Variants in STX8 observed in about 807,000 individuals in gnomAD.
STX8 encodes syntaxin-8.
STX8 carries 23 observed loss-of-function variants against 37.5 expected under a neutral mutation model. That is an observed-to-expected ratio of 0.61 (90% CI 0.44 to 0.87). The LOEUF is 0.87. Among genes scored for constraint, STX8 ranks in the 40% least tolerant of loss-of-function variants. The pLI, the probability that STX8 is intolerant of heterozygous loss-of-function variation, is 0.00. For missense variants in STX8, 313 were observed against 284.7 expected, an observed-to-expected ratio of 1.10 and a Z score of -0.71; for synonymous variants, 115 against 99.1, an observed-to-expected ratio of 1.16 and a Z score of -0.95.
chr17:9,392,284 C>T (rs1005682751), intron 6 of STX8, among the ~76,000 whole-genome samples: 3 of 152,132 alleles, frequency 2.0e-5, no homozygotes, highest in Non-Finnish European at 4.4e-5. Context: ...AACAAGATGC[C>T]ATTGCTAAGA....
chr17:9,574,462 A>C (rs1029677498), intron 1 of STX8, among the ~76,000 whole-genome samples: 1 of 151,868 alleles, frequency 6.6e-6, no homozygotes, highest in African/African-American at 2.4e-5. Context: ...CTTTTTGCAA[A>C]TTTTCAATAT....
intron 2 of STX8, among the ~76,000 whole-genome samples, chr17:9,565,207 C>CA (rs1413929308): frequency 5.9e-5 from 9 of 151,926 alleles, no homozygotes; most frequent in Admixed American, 4.6e-4. Context: ...GACTCTGTCT[C>CA]AAAAAGAAAT....
chr17:9,540,040 G>A (rs561231540), intron 4 of STX8, among the ~76,000 whole-genome samples: 1 of 152,216 alleles, frequency 6.6e-6, no homozygotes, highest in Non-Finnish European at 1.5e-5. Flanking sequence ...TATTAGGTAT[G>A]AGAAGTTGGG....
chr17:9,286,047 A>G (rs1908060624), intron 7 of STX8, among the ~76,000 whole-genome samples: 1 of 152,184 alleles, frequency 6.6e-6, no homozygotes, highest in Non-Finnish European at 1.5e-5. Context: ...CTTAAAAAAA[A>G]AAATAAGGCA....
chr17:9,415,867 T>A (rs114298659), intron 6 of STX8, among the ~76,000 whole-genome samples: 6,317 of 152,284 alleles, frequency 0.041, 420 homozygotes, highest in African/African-American at 0.14. Context: ...TTTGAAACTC[T>A]CATCTACAAA....
chr17:9,420,447 C>T (rs1055376479), intron 6 of STX8, among the ~76,000 whole-genome samples: 4 of 152,166 alleles, frequency 2.6e-5, no homozygotes, highest in African/African-American at 9.7e-5. Flanking sequence ...AATGTCCCCT[C>T]TCCTTCTCCA....
intron 4 of STX8, among the ~76,000 whole-genome samples, chr17:9,519,260 T>C (rs1214979339): frequency 6.6e-6 from 1 of 152,186 alleles, no homozygotes; most frequent in Non-Finnish European, 1.5e-5. Flanking sequence ...AAACTCAACA[T>C]ATCCAAAATC....
At chr17:9,544,388 A>G (rs76518716) in intron 4 of STX8, among the ~76,000 whole-genome samples, 1,720 of 152,260 alleles carry the variant, frequency 0.011, 36 homozygotes, top group African/African-American at 0.039. Flanking sequence ...AGCAGCTGTC[A>G]GCTCTTTGAA....
Position 9,355,263 on chromosome 17 carries a change from C to T in STX8, c.643+23289G>A, listed in dbSNP as rs142916912. ...TTGTTTTCTCATTGTGGCATTCCTA[C>T]TCTTTCGATCTTGGATGGATCCTCT... On this transcript the variant is annotated intron_variant, in intron 7 of 7. Transcript: ENST00000306357. Among the ~76,000 whole-genome samples, 290 of 151,292 alleles carry T rather than the reference C, an allele frequency of 1.9e-3. 2 individuals carry two copies. Among genetic ancestry groups the T allele is most frequent in the African/African-American group, 6.7e-3 (275 of 41,276 alleles).
chr17:9,531,311 G>A (rs931251909), intron 4 of STX8, among the ~76,000 whole-genome samples: 9 of 152,022 alleles, frequency 5.9e-5, no homozygotes, highest in Admixed American at 3.3e-4. Flanking sequence ...GTGGCAAAAC[G>A]GAAACAAAAA....
At chr17:9,309,275 C>T (rs761546177) in intron 7 of STX8, among the ~76,000 whole-genome samples, 17 of 152,128 alleles carry the variant, frequency 1.1e-4, no homozygotes, top group East Asian at 1.9e-4. Context: ...TTCAAATGCA[C>T]GGTACTTGTG....
At chr17:9,372,483 T>C (rs1017892058) in intron 7 of STX8, among the ~76,000 whole-genome samples, 2 of 152,046 alleles carry the variant, frequency 1.3e-5, no homozygotes, top group Non-Finnish European at 2.9e-5. Flanking sequence ...TTTTATTTAT[T>C]AATTTTTTTT....
intron 7 of STX8, among the ~76,000 whole-genome samples, chr17:9,282,372 G>A (rs576236670): frequency 2.0e-5 from 3 of 152,288 alleles, no homozygotes; most frequent in East Asian, 1.9e-4. Context: ...GACCTCAAGT[G>A]ATTCACTCGC....
chr17:9,460,093 T>C (rs899570102), intron 6 of STX8, among the ~76,000 whole-genome samples: 3 of 152,102 alleles, frequency 2.0e-5, no homozygotes, highest in South Asian at 2.1e-4. Flanking sequence ...CAAGAAACTA[T>C]CCTGTGATAC....
chr17:9,402,125 AT>A (rs1489734491), intron 6 of STX8, among the ~76,000 whole-genome samples: 1 of 148,968 alleles, frequency 6.7e-6, no homozygotes, highest in East Asian at 2.0e-4. Context: ...TTTATTTATT[AT>A]TATTTGTTTT....
intron 7 of STX8, among the ~76,000 whole-genome samples, chr17:9,366,500 G>A (rs1911234132): frequency 6.6e-6 from 1 of 152,190 alleles, no homozygotes; most frequent in Non-Finnish European, 1.5e-5. Context: ...AAAGTGCTGG[G>A]ATTACAAGTG....
intron 3 of STX8, among the ~76,000 whole-genome samples, chr17:9,545,748 G>T (rs1906481473): frequency 6.6e-6 from 1 of 152,094 alleles, no homozygotes. Flanking sequence ...AACCGGCTAA[G>T]TTTTGTATTT....
intron 4 of STX8, among the ~76,000 whole-genome samples, chr17:9,535,746 T>C (rs777105604): frequency 1.3e-5 from 2 of 152,112 alleles, no homozygotes; most frequent in Non-Finnish European, 2.9e-5. Flanking sequence ...GCCATCCTAC[T>C]TCTAAGAACT....
intron 4 of STX8, among the ~76,000 whole-genome samples, chr17:9,520,704 C>G (rs888527285): frequency 6.6e-6 from 1 of 152,112 alleles, no homozygotes; most frequent in Non-Finnish European, 1.5e-5. Flanking sequence ...GGTGCACAGA[C>G]AATCCATGTC....
Sources: allele counts gnomAD v4.1 joint callset (sites outside exome capture counted in the v4.1 genomes callset), GRCh38; gene constraint gnomAD v4.1.1; transcripts MANE v1.5; gene names NCBI Gene and HGNC (gene_info 2026-07-23, HGNC 2026-07-21).